ZNF266: variants seen among roughly 807,000 people sequenced by gnomAD.
ZNF266 encodes zinc finger protein 266.
Under a neutral mutation model 16.4 loss-of-function variants are expected in ZNF266, and 16 were observed. The observed-to-expected ratio is 0.98, with a 90% CI of 0.66 to 1.48. ZNF266 has a LOEUF of 1.48. Ranked by LOEUF, ZNF266 falls within the 40% of genes most tolerant of loss-of-function variation. ZNF266 has a pLI of 0.00. For synonymous variants in ZNF266, 262 were observed against 237.9 expected, an observed-to-expected ratio of 1.10 and a Z score of -0.93; for missense variants, 738 against 689.1, an observed-to-expected ratio of 1.07 and a Z score of -0.79.
intron 10 of ZNF266, 78 bp downstream of exon 10, chr19:9,415,576 C>T: frequency 9.3e-6 from 12 of 1,288,456 alleles, no homozygotes; most frequent in Non-Finnish European, 1.3e-5. Flanking sequence ...CCATTCCCAG[C>T]TTTATTCTGA....
At position 9,413,878 on chromosome 19, in the gene ZNF266, T is replaced by C. The variant is rs2068589644; in HGVS notation, c.1248A>G (p.Ile416Met). 1 of 1,613,726 alleles carries C rather than the reference T, an allele frequency of 6.2e-7. No homozygotes were observed. The highest frequency in any genetic ancestry group is 8.5e-7 in the Non-Finnish European group (1 of 1,179,920). Residue 416 changes from isoleucine to methionine, a missense_variant, in exon 11 of 11, where the codon ATA becomes ATG. Ile to Met is a conservative substitution (Grantham distance 10, BLOSUM62 1). Transcript: ENST00000592904. The stretch of plus-strand genomic sequence containing the variant: ...CACAATCCTTACATTTATAGGGTTT[T>C]ATTCCAGTGTGAATTCGAAAGTGAT... Reference protein sequence around the residue: ...LSDHFRIHTGIKPYKCKDCGK... With the variant: ...LSDHFRIHTGMKPYKCKDCGK...
rs778262693 is a variant in ZNF266, at chr19:9,413,749, G to A, written c.1377C>T (p.Ser459=). The change falls in exon 11 of 11, where the codon TCC becomes TCT. Residue 459 remains serine (S), a synonymous_variant. Transcript: ENST00000592904. ...TTCTTGTATGTTCACTAAGGCGAGA[G>A]GATCTGGCAAAGGCCTTTCCACATT... The part of the protein sequence containing the change: ...CKECGKAFAR[S]SRLSEHTRTH... 5.6e-6 allele frequency: 9 copies of A among 1,613,894 alleles called. No homozygotes were observed. The highest frequency in any genetic ancestry group is 7.6e-6 in the Non-Finnish European group (9 of 1,179,960).
At chr19:9,421,853 CT>C (rs772219502) in intron 5 of ZNF266, among the ~76,000 whole-genome samples, 6 of 35,072 alleles carry the variant, frequency 1.7e-4, no homozygotes, top group Non-Finnish European at 1.9e-4. Flanking sequence ...CAAAACCTTT[CT>C]TTTTTTTTTT....
chr19:9,415,634 C>T lies in ZNF266; in HGVS notation c.405+20G>A, dbSNP rs1184866241. 10 of 1,578,806 alleles carry T rather than the reference C, an allele frequency of 6.3e-6. No individual in the cohort carries two copies. The East Asian group carries it at 6.8e-5, about 11-fold the overall frequency. On this transcript the variant is annotated intron_variant, in intron 10 of 10. Coordinates refer to ENST00000592904, the MANE Select transcript of ZNF266 (RefSeq NM_001370374.1). The stretch of plus-strand genomic sequence containing the variant: ...TCATCTCTAAATGTGAAAACTAAGA[C>T]GTATCCTTGTTAATCTTACCATTTG...
intron 5 of ZNF266, among the ~76,000 whole-genome samples, chr19:9,422,242 T>C (rs2070038014): frequency 6.6e-6 from 1 of 152,190 alleles, no homozygotes; most frequent in Admixed American, 6.5e-5. Context: ...TGCTTTTCTT[T>C]GTGGAGTCTC....
intron 5 of ZNF266, among the ~76,000 whole-genome samples, chr19:9,428,993 C>T (rs8102060): frequency 0.56 from 85,365 of 151,654 alleles, 24,234 homozygotes; most frequent in Middle Eastern, 0.63. Flanking sequence ...TTCGGCCTCC[C>T]AAACTCCTGG....
chr19:9,417,031 CAA>C (rs890277324), intron 9 of ZNF266, among the ~76,000 whole-genome samples: 15 of 152,136 alleles, frequency 9.9e-5, no homozygotes, highest in African/African-American at 3.6e-4. Flanking sequence ...AATGAGTAGA[CAA>C]AGCGTAAAAG....
intron 8 of ZNF266, 107 bp from the exon 9 acceptor site, chr19:9,418,015 A>T: frequency 2.6e-6 from 3 of 1,142,392 alleles, no homozygotes; most frequent in Non-Finnish European, 2.6e-6. Context: ...AAATTATTTT[A>T]AAAGGGCTAA....
At chr19:9,418,058 A>G in intron 8 of ZNF266, 150 bp from the exon 9 acceptor site, 2 of 801,702 alleles carry the variant, frequency 2.5e-6, no homozygotes, top group Non-Finnish European at 4.0e-6. Flanking sequence ...TGCCCCCAAA[A>G]GATTGGTGAT....
Position 9,414,795 on chromosome 19 carries a change from G to C in ZNF266, c.406-75C>G, listed in dbSNP as rs142252796. 2.7e-3 allele frequency: 3,839 copies of C among 1,418,294 alleles called. 21 individuals carry two copies. In the Admixed American group the frequency reaches 0.029, roughly 11 times the overall value. The allele number at this position is 1,418,294 out of a possible 1,614,324, so 87.9% of individuals were successfully genotyped here. On this transcript the variant is annotated intron_variant, in intron 10 of 10. Transcript: ENST00000592904. Reference sequence around the variant, plus strand: ...ACAGATTCCACTCATCTGAAGAGAGGAACACTGTGATGATTATTATCATGT... The same window carrying C: ...ACAGATTCCACTCATCTGAAGAGAGCAACACTGTGATGATTATTATCATGT...
At chr19:9,418,433 T>C in intron 8 of ZNF266, 72 bp downstream of exon 8, 2 of 1,510,692 alleles carry the variant, frequency 1.3e-6, no homozygotes, top group Non-Finnish European at 1.8e-6. Context: ...TTGCTATCTC[T>C]GATGTGCAAT....
chr19:9,418,641 C>G lies in ZNF266; in HGVS notation c.109-10G>C. On this transcript the variant is annotated splice_polypyrimidine_tract_variant and intron_variant, in intron 7 of 10. Coordinates refer to ENST00000592904, the MANE Select transcript of ZNF266 (RefSeq NM_001370374.1). ...CAAAAGTCACTGAATCCTAAACCAT[C>G]ACACACATGCTGGCTTGAGCCACAA... is the stretch of plus-strand genomic sequence containing the variant. 1 of 1,271,864 alleles carries G rather than the reference C, an allele frequency of 7.9e-7. No homozygotes were observed. The highest frequency in any genetic ancestry group is 1.2e-6 in the Non-Finnish European group (1 of 869,404). 78.8% of individuals were successfully genotyped at this position (1,271,864 alleles called of 1,614,324 possible). A position where few individuals can be genotyped will look rare whatever the true frequency, so the allele number is the denominator to read the frequency against.
At position 9,430,414 on chromosome 19, in the gene ZNF266, G is replaced by A. The variant is rs186991393; in HGVS notation, c.-130+3254C>T. 4.6e-4 allele frequency among the ~76,000 whole-genome samples: 70 copies of A among 152,058 alleles called. No individual in the cohort carries two copies. The East Asian group carries it at 9.7e-3, about 21-fold the overall frequency. On this transcript the variant is annotated intron_variant, in intron 5 of 10. Transcript: ENST00000592904. ...TGTTCAGTCTCTCCCATCGTTGATC[G>A]TCCCGCAACACTACTACCCTTCTCA...
At chr19:9,430,722 G>A (rs562155801) in intron 5 of ZNF266, among the ~76,000 whole-genome samples, 2 of 152,124 alleles carry the variant, frequency 1.3e-5, no homozygotes, top group African/African-American at 4.8e-5. Flanking sequence ...ACACCCCACA[G>A]CTGCTGACCA....
At position 9,412,460 on chromosome 19, in the gene ZNF266, A is replaced by C. The variant is rs920239900; in HGVS notation, c.*815T>G. On this transcript the variant is annotated 3_prime_UTR_variant, in exon 11 of 11. Transcript: ENST00000592904. ...CAAAAAAATTTTATTATGTTTGAAG[A>C]AAGCTTAAAAATTTGTGTTGGTCTG... 2.0e-5 allele frequency: 3 copies of C among 152,262 alleles called. No individual in the cohort carries two copies. The highest frequency in any genetic ancestry group is 7.2e-5 in the African/African-American group (3 of 41,470). The allele number at this position is 152,262 out of a possible 1,614,324, so 9.4% of individuals were successfully genotyped here. A position where few individuals can be genotyped will look rare whatever the true frequency, so the allele number is the denominator to read the frequency against.
Position 9,418,601 on chromosome 19 carries a change from C to T in ZNF266, c.139G>A (p.Asp47Asn). The T allele has an allele frequency of 6.4e-7, 1 of 1,553,260 alleles. No individual in the cohort carries two copies. Among genetic ancestry groups the T allele is most frequent in the Non-Finnish European group, 8.9e-7 (1 of 1,124,772 alleles). Residue 47 changes from aspartate (D) to asparagine (N), a missense_variant, in exon 8 of 11, where the codon GAC becomes AAC. By Grantham distance (23) the Asp-to-Asn change is conservative. Transcript: ENST00000592904. Reference protein sequence around the residue: ...DSVTFDDLAVDFTPEEWTLLD... With the variant: ...DSVTFDDLAVNFTPEEWTLLD... ...AAAGTCCATTCTTCTGGGGTGAAGTCCACAGCCAGATCATCAAAAGTCACT... is the reference window on the plus strand; with the variant it reads ...AAAGTCCATTCTTCTGGGGTGAAGTTCACAGCCAGATCATCAAAAGTCACT...
chr19:9,414,523 A>C lies in ZNF266; in HGVS notation c.603T>G (p.Cys201Trp), dbSNP rs1177561998. The change falls in exon 11 of 11, where the codon TGT becomes TGG. Residue 201 changes from cysteine to tryptophan, a missense_variant. Transcript: ENST00000592904. ...TGEQRSVFSQ[C>W]GKAFSLNPDV... Reference sequence around the variant, plus strand: ...CTGGGTTCAGGCTGAAGGCTTTTCCACACTGACTAAATACAGAACGTTGCT... The same window carrying C: ...CTGGGTTCAGGCTGAAGGCTTTTCCCCACTGACTAAATACAGAACGTTGCT... 3 of 1,614,058 alleles carry C rather than the reference A, an allele frequency of 1.9e-6. No homozygotes were observed. The highest frequency in any genetic ancestry group is 2.5e-6 in the Non-Finnish European group (3 of 1,179,994).
chr19:9,415,830 T>G (rs2068894196), intron 9 of ZNF266, 88 bp from the exon 10 acceptor site: 1 of 1,179,716 alleles, frequency 8.5e-7, no homozygotes, highest in African/African-American at 1.5e-5. Context: ...GTACTTGTTT[T>G]CTTTTTTTCT....
intron 9 of ZNF266, among the ~76,000 whole-genome samples, chr19:9,416,663 C>CTTTTTT (rs368700653): frequency 5.3e-5 from 3 of 56,946 alleles, no homozygotes; most frequent in African/African-American, 7.5e-5. Flanking sequence ...CGTGCCAGGC[C>CTTTTTT]TTTTTTTTTT....
Sources: allele counts gnomAD v4.1 joint callset (sites outside exome capture counted in the v4.1 genomes callset), GRCh38; gene constraint gnomAD v4.1.1; transcripts MANE v1.5; gene names NCBI Gene and HGNC (gene_info 2026-07-23, HGNC 2026-07-21).